SLC24A2: variants seen among roughly 807,000 people sequenced by gnomAD.
The protein encoded by SLC24A2 is sodium/potassium/calcium exchanger 2.
SLC24A2 carries 36 observed loss-of-function variants against 62.0 expected under a neutral mutation model. That is an observed-to-expected ratio of 0.58 (90% CI 0.44 to 0.77). The LOEUF (loss-of-function observed/expected upper bound fraction) is 0.77. SLC24A2 is among the 30% of genes least tolerant of loss of function. The pLI, the probability that SLC24A2 is intolerant of heterozygous loss-of-function variation, is 0.00. For synonymous variants in SLC24A2, 358 were observed against 294.0 expected (o/e 1.22, Z -2.23); for missense variants, 846 against 817.9 (o/e 1.03, Z -0.42).
the SLC24A2 span, among the ~76,000 whole-genome samples, chr9:20,268,240 G>A: frequency 9.9e-5 from 15 of 152,198 alleles, no homozygotes; most frequent in African/African-American, 3.1e-4. Flanking sequence ...AGGAGAGGGC[G>A]CTCCCTCACA....
chr9:19,890,965 T>C, the SLC24A2 span, among the ~76,000 whole-genome samples: 151,547 of 152,346 alleles, frequency 0.99, 75,384 homozygotes, highest in Middle Eastern at 1. Flanking sequence ...GAAAAAAGGA[T>C]GATTGATTTC....
chr9:20,082,856 C>T, the SLC24A2 span, among the ~76,000 whole-genome samples: 1 of 152,192 alleles, frequency 6.6e-6, no homozygotes, highest in African/African-American at 2.4e-5. Context: ...AAATTAAGAC[C>T]TGGAAGCACT....
At chr9:19,769,868 G>C (rs778021452) in intron 2 of SLC24A2, among the ~76,000 whole-genome samples, 3 of 151,978 alleles carry the variant, frequency 2.0e-5, no homozygotes, top group East Asian at 3.9e-4. Flanking sequence ...TTGTGTCTGT[G>C]GGGGGTTGCC....
chr9:20,070,277 A>G, the SLC24A2 span, among the ~76,000 whole-genome samples: 1 of 152,196 alleles, frequency 6.6e-6, no homozygotes, highest in East Asian at 1.9e-4. Context: ...TGCCTTAAAC[A>G]GGACTCTAAA....
the SLC24A2 span, among the ~76,000 whole-genome samples, chr9:20,019,253 G>GAGAAAGAAAGAA: frequency 0.066 from 7,181 of 109,524 alleles, 333 homozygotes; most frequent in Non-Finnish European, 0.073. Flanking sequence ...AAGAAGGAAA[G>GAGAAAGAAAGAA]AGAAAGAAAG....
chr9:19,814,202 G>A, the SLC24A2 span, among the ~76,000 whole-genome samples: 1 of 152,128 alleles, frequency 6.6e-6, no homozygotes, highest in East Asian at 1.9e-4. Context: ...CACTGAGAAA[G>A]ATAATTATTT....
intron 2 of SLC24A2, among the ~76,000 whole-genome samples, chr9:19,754,162 G>C (rs553491737): frequency 1.3e-5 from 2 of 152,256 alleles, no homozygotes; most frequent in Admixed American, 6.5e-5. Context: ...CAGAGATTCT[G>C]TCAAAGGAGC....
chr9:20,259,105 G>A, the SLC24A2 span, among the ~76,000 whole-genome samples: 1 of 152,098 alleles, frequency 6.6e-6, no homozygotes, highest in Non-Finnish European at 1.5e-5. Context: ...GATGGAGGAA[G>A]GAACCATAAG....
At chr9:20,029,875 C>A in the SLC24A2 span, among the ~76,000 whole-genome samples, 2 of 151,836 alleles carry the variant, frequency 1.3e-5, no homozygotes, top group African/African-American at 4.8e-5. Context: ...GTGGAGGAAC[C>A]AGGTGAAACA....
At chr9:20,076,914 TACC>T in the SLC24A2 span, among the ~76,000 whole-genome samples, 2 of 147,392 alleles carry the variant, frequency 1.4e-5, no homozygotes, top group African/African-American at 2.5e-5. Flanking sequence ...ATCATATATA[TACC>T]ACATTTATAT....
At chr9:19,575,989 T>C (rs1221701803) in intron 6 of SLC24A2, among the ~76,000 whole-genome samples, 2 of 152,306 alleles carry the variant, frequency 1.3e-5, no homozygotes, top group South Asian at 2.1e-4. Flanking sequence ...TAACTCATAA[T>C]CCCAGCTTTA....
chr9:20,237,807 GCCCTCTAGATAGAAGTAGTCTCCTCATTT>G, the SLC24A2 span, among the ~76,000 whole-genome samples: 5 of 152,138 alleles, frequency 3.3e-5, no homozygotes, highest in East Asian at 1.9e-4. Flanking sequence ...AGTCCTCCTT[GCCCTCTAGATAGAAGTAGTCTCCTCATTT>G]CCCTCTAGAT....
chr9:19,992,829 T>C, the SLC24A2 span, among the ~76,000 whole-genome samples: 1 of 152,152 alleles, frequency 6.6e-6, no homozygotes, highest in Non-Finnish European at 1.5e-5. Context: ...CCCACAAGGG[T>C]GTGAATGTCA....
chr9:19,825,844 CT>C, the SLC24A2 span, among the ~76,000 whole-genome samples: 1 of 151,832 alleles, frequency 6.6e-6, no homozygotes, highest in African/African-American at 2.4e-5. Flanking sequence ...TCAATTTTAT[CT>C]TGGTAAGAGG....
At chr9:20,247,128 G>A in the SLC24A2 span, among the ~76,000 whole-genome samples, 1 of 152,116 alleles carries the variant, frequency 6.6e-6, no homozygotes, top group Non-Finnish European at 1.5e-5. Flanking sequence ...AATCTTCACA[G>A]GTTTCTCTAT....
the SLC24A2 span, among the ~76,000 whole-genome samples, chr9:19,890,899 A>G: frequency 6.6e-6 from 1 of 151,946 alleles, no homozygotes; most frequent in East Asian, 1.9e-4. Flanking sequence ...CCAATTGCTC[A>G]CTCGACATTT....
the SLC24A2 span, among the ~76,000 whole-genome samples, chr9:19,864,132 G>A: frequency 6.6e-6 from 1 of 151,960 alleles, no homozygotes; most frequent in Non-Finnish European, 1.5e-5. Context: ...ATTGAACCAT[G>A]AAGAAATCCA....
intron 2 of SLC24A2, among the ~76,000 whole-genome samples, chr9:19,684,545 G>A (rs1819821479): frequency 6.6e-6 from 1 of 152,042 alleles, no homozygotes; most frequent in African/African-American, 2.4e-5. Context: ...AACTAAGGAA[G>A]GGGAAACCCC....
Position 19,550,228 on chromosome 9 carries a change from C to A in SLC24A2, c.1388G>T (p.Trp463Leu). Residue 463 changes from tryptophan to leucine, a missense_variant, in exon 8 of 11, where the codon TGG (tryptophan) becomes TTG (leucine). Trp to Leu is a moderately conservative substitution (Grantham distance 61). Coordinates refer to ENST00000341998, the MANE Select transcript of SLC24A2 (RefSeq NM_020344.4). Reference sequence around the variant, plus strand: ...GACTTGCTTGCGGGTTTCAGAAGGCCAGGCAAGGCTGAGAGGCTGGTCCTC... The same window carrying A: ...GACTTGCTTGCGGGTTTCAGAAGGCAAGGCAAGGCTGAGAGGCTGGTCCTC... Reference protein sequence around the residue: ...EEEDQPLSLAWPSETRKQVTF... With the variant: ...EEEDQPLSLALPSETRKQVTF... 1 of 1,614,098 alleles carries A rather than the reference C, an allele frequency of 6.2e-7. No individual in the cohort carries two copies.
Sources: allele counts gnomAD v4.1 joint callset (sites outside exome capture counted in the v4.1 genomes callset), GRCh38; gene constraint gnomAD v4.1.1; transcripts MANE v1.5; gene names NCBI Gene and HGNC (gene_info 2026-07-23, HGNC 2026-07-21).